Variants in STPG2 observed in about 807,000 individuals in gnomAD.
The protein encoded by STPG2 is sperm tail PG-rich repeat containing 2, also known as sperm-tail PG-rich repeat-containing protein 2.
STPG2 carries 56 observed loss-of-function variants against 54.2 expected under a neutral mutation model. The observed-to-expected ratio is 1.03, with a 90% CI of 0.83 to 1.29. STPG2 has a LOEUF of 1.29. Ranked by LOEUF, STPG2 falls within the 50% of genes most tolerant of loss-of-function variation. The pLI, the probability that STPG2 is intolerant of heterozygous loss-of-function variation, is 0.00. For missense variants in STPG2, 596 were observed against 544.9 expected, an observed-to-expected ratio of 1.09 and a Z score of -0.93; for synonymous variants, 200 against 181.8, an observed-to-expected ratio of 1.10 and a Z score of -0.81.
chr4:97,820,447 G>A (rs541788269), intron 9 of STPG2, among the ~76,000 whole-genome samples: 2 of 149,466 alleles, frequency 1.3e-5, no homozygotes, highest in African/African-American at 4.9e-5. Context: ...AGGAAAGCAT[G>A]TTGAAAGCAA....
At position 97,482,676 on chromosome 4, in the gene STPG2, C is replaced by T. The variant is rs1021001246; in HGVS notation, c.462+230023G>A. 5.3e-5 allele frequency among the ~76,000 whole-genome samples: 8 copies of T among 151,540 alleles called. 1 individual carries two copies. The South Asian group carries it at 1.2e-3, about 24-fold the overall frequency. ...AAAACTTCCCTGGCCTTGCTAGAGACCTATATGACAAAATGCAAGAAGTAC... is the reference window on the plus strand; with the variant it reads ...AAAACTTCCCTGGCCTTGCTAGAGATCTATATGACAAAATGCAAGAAGTAC... On this transcript the variant is annotated intron_variant, in intron 4 of 4. Coordinates refer to the STPG2 transcript ENST00000522676.
At chr4:98,037,315 A>G (rs1736808287) in intron 5 of STPG2, among the ~76,000 whole-genome samples, 1 of 152,248 alleles carries the variant, frequency 6.6e-6, no homozygotes, top group Admixed American at 6.6e-5. Context: ...TTTAATATCA[A>G]GAAAAATGTA....
chr4:98,093,785 G>C (rs1738760402), intron 5 of STPG2, among the ~76,000 whole-genome samples: 1 of 152,290 alleles, frequency 6.6e-6, no homozygotes, highest in South Asian at 2.1e-4. Flanking sequence ...ATTGAACTTG[G>C]TGCTGCCCTG....
At chr4:97,458,289 G>A (rs1412706693) in intron 4 of STPG2, among the ~76,000 whole-genome samples, 1 of 152,138 alleles carries the variant, frequency 6.6e-6, no homozygotes, top group Non-Finnish European at 1.5e-5. Context: ...TTCTATGGAT[G>A]CAAAATTGGT....
At chr4:97,893,234 G>A (rs995595224) in intron 8 of STPG2, 5 of 151,390 alleles carry the variant, frequency 3.3e-5, no homozygotes, top group East Asian at 2.0e-4. Context: ...AGGATGAGTG[G>A]GATTATATAA....
At chr4:97,700,882 C>G (rs1362311958) in intron 10 of STPG2, among the ~76,000 whole-genome samples, 1 of 152,190 alleles carries the variant, frequency 6.6e-6, no homozygotes, top group Non-Finnish European at 1.5e-5. Context: ...TGTTAATTTG[C>G]TCAAATCAAT....
At chr4:97,937,838 T>C (rs1391275809) in intron 8 of STPG2, among the ~76,000 whole-genome samples, 2 of 152,182 alleles carry the variant, frequency 1.3e-5, no homozygotes, top group Non-Finnish European at 2.9e-5. Context: ...TGCTGACCCC[T>C]GTTGGGGGCT....
intron 5 of STPG2, among the ~76,000 whole-genome samples, chr4:98,039,981 ATC>A (rs1326464838): frequency 6.6e-6 from 1 of 151,902 alleles, no homozygotes; most frequent in Non-Finnish European, 1.5e-5. Flanking sequence ...CCTTGCCAAC[ATC>A]TGTTATTCTT....
chr4:97,768,874 G>A (rs1438822997), intron 9 of STPG2, among the ~76,000 whole-genome samples: 1 of 151,798 alleles, frequency 6.6e-6, no homozygotes, highest in African/African-American at 2.4e-5. Context: ...GCTAATTTTT[G>A]TATCTTAAGT....
chr4:97,896,110 C>T (rs1730944590), intron 8 of STPG2, among the ~76,000 whole-genome samples: 1 of 151,696 alleles, frequency 6.6e-6, no homozygotes, highest in African/African-American at 2.4e-5. Flanking sequence ...TGGCTGCAGC[C>T]TTATATCCAT....
chr4:97,947,027 T>C (rs1733254069), intron 7 of STPG2, among the ~76,000 whole-genome samples: 1 of 152,294 alleles, frequency 6.6e-6, no homozygotes, highest in African/African-American at 2.4e-5. Flanking sequence ...TCCGTGAGAA[T>C]GGGATGTGTT....
At chr4:98,121,640 T>A (rs1445088175) in intron 3 of STPG2, among the ~76,000 whole-genome samples, 2 of 152,130 alleles carry the variant, frequency 1.3e-5, no homozygotes, top group African/African-American at 4.8e-5. Context: ...ATTTTATTAT[T>A]TTGGTAGCAA....
intron 5 of STPG2, among the ~76,000 whole-genome samples, chr4:97,999,334 C>T (rs553197576): frequency 6.6e-6 from 1 of 152,290 alleles, no homozygotes; most frequent in African/African-American, 2.4e-5. Context: ...CTTTTCCTAG[C>T]CATCTTTCAC....
At chr4:97,547,775 A>AGTG (rs1158980144) in intron 4 of STPG2, among the ~76,000 whole-genome samples, 1 of 152,172 alleles carries the variant, frequency 6.6e-6, no homozygotes, top group Non-Finnish European at 1.5e-5. Context: ...AAGCATTCCA[A>AGTG]GTGATGTGTC....
At chr4:97,447,340 G>A (rs924130059) in intron 4 of STPG2, among the ~76,000 whole-genome samples, 1 of 152,290 alleles carries the variant, frequency 6.6e-6, no homozygotes, top group African/African-American at 2.4e-5. Flanking sequence ...AGAAATTCAA[G>A]CCATCTGCAG....
chr4:97,912,043 G>A (rs1438203831), intron 8 of STPG2, among the ~76,000 whole-genome samples: 1 of 152,060 alleles, frequency 6.6e-6, no homozygotes, highest in Non-Finnish European at 1.5e-5. Context: ...GTGTGGGAGG[G>A]ACCCAGGCGA....
At chr4:97,471,879 C>G (rs924385404) in intron 4 of STPG2, among the ~76,000 whole-genome samples, 1 of 152,032 alleles carries the variant, frequency 6.6e-6, no homozygotes, top group East Asian at 1.9e-4. Context: ...TCATATGACT[C>G]GAAAACAAGT....
At chr4:98,037,923 T>C (rs1736824256) in intron 5 of STPG2, among the ~76,000 whole-genome samples, 1 of 152,146 alleles carries the variant, frequency 6.6e-6, no homozygotes, top group African/African-American at 2.4e-5. Flanking sequence ...AATTTGTAAA[T>C]ATCATGAAAG....
chr4:97,883,851 A>C (rs528412755), intron 8 of STPG2, among the ~76,000 whole-genome samples: 1 of 152,318 alleles, frequency 6.6e-6, no homozygotes, highest in South Asian at 2.1e-4. Context: ...AGAAATAGTT[A>C]AGAGAGAATA....
Sources: gnomAD v4.1 joint callset for allele counts (sites outside exome capture counted in the v4.1 genomes callset) on GRCh38, gnomAD v4.1.1 for gene constraint, MANE v1.5 for transcripts, NCBI Gene and HGNC (gene_info 2026-07-23, HGNC 2026-07-21) for gene names.